The following CDH18 variants were observed in gnomAD, a reference collection of about 807,000 sequenced individuals.
The protein encoded by CDH18 is cadherin-18.
Under a neutral mutation model 67.9 loss-of-function variants are expected in CDH18, and 31 were observed. The observed-to-expected ratio is 0.46, with a 90% CI of 0.34 to 0.62. The LOEUF is 0.62. Among genes scored for constraint, CDH18 ranks in the 20% least tolerant of loss-of-function variants. The probability of loss-of-function intolerance (pLI) is 0.01; values close to 1 mark genes in which losing one functional copy is unlikely to be tolerated. For synonymous variants in CDH18, 362 were observed against 347.2 expected, an observed-to-expected ratio of 1.04 and a Z score of -0.48; for missense variants, 890 against 975.5, an observed-to-expected ratio of 0.91 and a Z score of 1.17.
chr5:19,906,372 G>A (rs1579527152), intron 2 of CDH18, among the ~76,000 whole-genome samples: 2 of 151,594 alleles, frequency 1.3e-5, no homozygotes, highest in Admixed American at 6.6e-5. Flanking sequence ...ACCTAATGAC[G>A]ATTTTCAATT....
chr5:19,915,353 CA>C (rs1791644236), intron 2 of CDH18, among the ~76,000 whole-genome samples: 1 of 152,092 alleles, frequency 6.6e-6, no homozygotes, highest in African/African-American at 2.4e-5. Context: ...GACCCTTGGA[CA>C]AGGTGGGGGT....
intron 3 of CDH18, among the ~76,000 whole-genome samples, chr5:19,773,269 G>A (rs1012467535): frequency 5.3e-5 from 8 of 152,084 alleles, no homozygotes; most frequent in South Asian, 2.1e-4. Flanking sequence ...GTCTGAAAAG[G>A]TAAGTAGAGC....
In CDH18 at chr5:20,256,972, AT is replaced by A. The variant is rs1428566642; in HGVS notation, c.-579-1468del. On this transcript the variant is annotated intron_variant, in intron 1 of 14. Coordinates refer to the CDH18 transcript ENST00000507958. ...ATCTATCTATCTATCTAATCTATCT[AT>A]ATCTATATCTATATCTATCTATCTA... Among the ~76,000 whole-genome samples the A allele has an allele frequency of 5.4e-4, 77 of 141,312 alleles. 1 individual carries two copies. In the South Asian group the frequency reaches 6.6e-3, roughly 12 times the overall value. 92.7% of individuals were successfully genotyped at this position (141,312 alleles called of 152,430 possible). A position where few individuals can be genotyped will look rare whatever the true frequency, so the allele number is the denominator to read the frequency against.
chr5:19,546,692 A>G (rs1321575644), intron 8 of CDH18, among the ~76,000 whole-genome samples: 1 of 152,212 alleles, frequency 6.6e-6, no homozygotes, highest in Non-Finnish European at 1.5e-5. Context: ...TGCAGAGCAT[A>G]TTGCTAAGGT....
chr5:19,805,940 A>G (rs1484090373), intron 3 of CDH18, among the ~76,000 whole-genome samples: 4 of 152,174 alleles, frequency 2.6e-5, no homozygotes. Flanking sequence ...GATAAACCAT[A>G]TAGCTATTTT....
At chr5:19,652,316 A>C (rs1755698740) in intron 5 of CDH18, among the ~76,000 whole-genome samples, 1 of 152,062 alleles carries the variant, frequency 6.6e-6, no homozygotes. Flanking sequence ...TAACATAGCA[A>C]AATAGGAGGA....
chr5:20,524,297 A>T (rs911573523), intron 1 of CDH18, among the ~76,000 whole-genome samples: 1 of 152,206 alleles, frequency 6.6e-6, no homozygotes, highest in African/African-American at 2.4e-5. Context: ...TTAGATTCAG[A>T]TATATCTTTA....
At chr5:20,483,055 A>G (rs1752924182) in intron 1 of CDH18, among the ~76,000 whole-genome samples, 1 of 152,108 alleles carries the variant, frequency 6.6e-6, no homozygotes, top group African/African-American at 2.4e-5. Flanking sequence ...ATTAGAAATG[A>G]TAAATTCAGT....
chr5:20,233,458 G>C (rs1158967218), intron 2 of CDH18, among the ~76,000 whole-genome samples: 1 of 151,790 alleles, frequency 6.6e-6, no homozygotes, highest in African/African-American at 2.4e-5. Context: ...TATATTGACA[G>C]ATACAGTCAG....
In CDH18 at chr5:20,167,038, A is replaced by G. The variant is rs2126633634; in HGVS notation, c.-518+88406T>C. 2.0e-5 allele frequency among the ~76,000 whole-genome samples: 3 copies of G among 152,326 alleles called. No individual in the cohort carries two copies. In the Middle Eastern group the frequency reaches 0.01, roughly 518 times the overall value. On this transcript the variant is annotated intron_variant, in intron 2 of 14. Coordinates refer to the CDH18 transcript ENST00000507958. ...TAGCTTATTTTATGTTTCTTGAAGA[A>G]TAATGTTTTTATATTTGCTGTAACT...
intron 1 of CDH18, among the ~76,000 whole-genome samples, chr5:20,353,380 G>A (rs959075812): frequency 1.3e-5 from 2 of 152,112 alleles, no homozygotes; most frequent in African/African-American, 4.8e-5. Flanking sequence ...TTAATAAGAT[G>A]TTATGCACCA....
intron 2 of CDH18, among the ~76,000 whole-genome samples, chr5:19,885,478 T>TA (rs923172242): frequency 3.9e-5 from 6 of 152,186 alleles, no homozygotes; most frequent in African/African-American, 1.4e-4. Flanking sequence ...ATACATCGGT[T>TA]AAAAAATGCA....
chr5:19,827,142 T>C (rs1173974733), intron 3 of CDH18, among the ~76,000 whole-genome samples: 2 of 152,042 alleles, frequency 1.3e-5, no homozygotes, highest in African/African-American at 4.8e-5. Flanking sequence ...AGAAAAAGTG[T>C]TACATGATGG....
intron 1 of CDH18, among the ~76,000 whole-genome samples, chr5:20,370,708 T>C (rs1277736728): frequency 6.6e-6 from 1 of 152,118 alleles, no homozygotes; most frequent in Non-Finnish European, 1.5e-5. Context: ...GGAGAACATT[T>C]TGAGAGGGCT....
chr5:19,476,903 T>A (rs779020443), intron 12 of CDH18, among the ~76,000 whole-genome samples: 59 of 152,008 alleles, frequency 3.9e-4, no homozygotes, highest in Non-Finnish European at 7.5e-4. Context: ...AATACAGGGA[T>A]AATCCTGGCT....
chr5:20,207,789 A>AATT (rs1740027331), intron 2 of CDH18, among the ~76,000 whole-genome samples: 2 of 152,036 alleles, frequency 1.3e-5, no homozygotes, highest in Admixed American at 1.3e-4. Flanking sequence ...TTAATGCAAT[A>AATT]ATTATATAAG....
At chr5:19,482,048 A>G (rs1739516590) in intron 12 of CDH18, among the ~76,000 whole-genome samples, 1 of 152,176 alleles carries the variant, frequency 6.6e-6, no homozygotes. Context: ...CAGATAATGT[A>G]AAATTAGAGA....
chr5:20,454,585 C>T (rs999013180), intron 1 of CDH18, among the ~76,000 whole-genome samples: 1 of 152,002 alleles, frequency 6.6e-6, no homozygotes, highest in South Asian at 2.1e-4. Context: ...GACTGCAGAG[C>T]GTCTGGGACT....
chr5:20,433,632 A>G (rs960434846), intron 1 of CDH18, among the ~76,000 whole-genome samples: 3 of 152,116 alleles, frequency 2.0e-5, no homozygotes, highest in Admixed American at 1.3e-4. Context: ...TTGACCTGTT[A>G]GGTTTCAGAT....
Sources: gnomAD v4.1 joint callset for allele counts (sites outside exome capture counted in the v4.1 genomes callset) on GRCh38, gnomAD v4.1.1 for gene constraint, MANE v1.5 for transcripts, NCBI Gene and HGNC (gene_info 2026-07-23, HGNC 2026-07-21) for gene names.